KCNK9: variants seen among roughly 807,000 people sequenced by gnomAD.
KCNK9 encodes the protein potassium channel subfamily K member 9.
Under a neutral mutation model 10.8 loss-of-function variants are expected in KCNK9, and 1 was observed. The observed-to-expected ratio is 0.09, with a 90% CI of 0.03 to 0.44. The LOEUF is 0.44. Ranked by LOEUF, KCNK9 falls within the 20% of genes least tolerant of loss-of-function variation. The pLI, the probability that KCNK9 is intolerant of heterozygous loss-of-function variation, is 0.97. For synonymous variants in KCNK9, 231 were observed against 222.7 expected (o/e 1.04, Z -0.33); for missense variants, 303 against 515.0 (o/e 0.59, Z 3.98).
At chr8:139,659,254 G>C (rs568643120) in intron 1 of KCNK9, among the ~76,000 whole-genome samples, 13 of 152,218 alleles carry the variant, frequency 8.5e-5, no homozygotes, top group African/African-American at 2.4e-4. Context: ...CTGGAGTCCT[G>C]ACCCCCTGAG....
At chr8:139,657,724 A>G (rs759656) in intron 1 of KCNK9, among the ~76,000 whole-genome samples, 54,570 of 152,122 alleles carry the variant, frequency 0.36, 12,349 homozygotes, top group East Asian at 0.86. Context: ...GCTGCACCGC[A>G]TGGTCACTAC....
intron 1 of KCNK9, among the ~76,000 whole-genome samples, chr8:139,667,611 A>G (rs1188206809): frequency 6.6e-6 from 1 of 152,060 alleles, no homozygotes; most frequent in Non-Finnish European, 1.5e-5. Context: ...CAGGAGAATC[A>G]CCTGATCCTG....
chr8:139,688,283 T>G (rs1434955029), intron 1 of KCNK9, among the ~76,000 whole-genome samples: 1 of 152,180 alleles, frequency 6.6e-6, no homozygotes, highest in Non-Finnish European at 1.5e-5. Flanking sequence ...CTCACACTGC[T>G]ATAAAGAAAT....
chr8:139,685,654 T>C (rs548045344), intron 1 of KCNK9, among the ~76,000 whole-genome samples: 13 of 152,238 alleles, frequency 8.5e-5, no homozygotes, highest in Non-Finnish European at 1.8e-4. Context: ...GGTGTATATG[T>C]GCTACATTTT....
intron 2 of KCNK9, among the ~76,000 whole-genome samples, chr8:139,607,355 G>A (rs1331410675): frequency 6.6e-6 from 1 of 152,198 alleles, no homozygotes; most frequent in Non-Finnish European, 1.5e-5. Flanking sequence ...CCCCCAGTAA[G>A]GACAGCAGGC....
At chr8:139,671,505 T>C (rs1035591077) in intron 1 of KCNK9, among the ~76,000 whole-genome samples, 7 of 139,674 alleles carry the variant, frequency 5.0e-5, no homozygotes, top group African/African-American at 1.8e-4. Flanking sequence ...CTTCTTTTTT[T>C]AGTTTCTTTT....
chr8:139,627,534 C>T (rs1815014893), intron 1 of KCNK9, among the ~76,000 whole-genome samples: 1 of 152,132 alleles, frequency 6.6e-6, no homozygotes, highest in South Asian at 2.1e-4. Context: ...AGATAACATC[C>T]CGACCCCGAT....
chr8:139,655,563 C>A (rs1445105449), intron 1 of KCNK9, among the ~76,000 whole-genome samples: 1 of 152,182 alleles, frequency 6.6e-6, no homozygotes, highest in African/African-American at 2.4e-5. Context: ...GGAAGCTGAG[C>A]GATACCCAGC....
At chr8:139,614,230 T>C (rs545786771), downstream of KCNK9, among the ~76,000 whole-genome samples, 26 of 152,278 alleles carry the variant, frequency 1.7e-4, no homozygotes, top group Middle Eastern at 3.4e-3. Context: ...AAGCTTCTCA[T>C]GCTGTCCCAA....
chr8:139,672,334 C>T (rs985998383), intron 1 of KCNK9, among the ~76,000 whole-genome samples: 1 of 152,154 alleles, frequency 6.6e-6, no homozygotes, highest in South Asian at 2.1e-4. Flanking sequence ...ATCCACACTT[C>T]GTGGTGGCAG....
In KCNK9 at chr8:139,693,483, T is replaced by A. The variant is rs1816978022; in HGVS notation, c.283+9227A>T. On this transcript the variant is annotated intron_variant, in intron 1 of 1. Transcript: ENST00000520439. The surrounding 1 kb of genome is among the most constrained non-coding windows in gnomAD (Gnocchi z 4.1). Reference sequence around the variant, plus strand: ...AAACTGCTCAGCTCTCAGCTGCTCCTGCTCTCGGGGAGCCAGGAGTACCAG... The same window carrying A: ...AAACTGCTCAGCTCTCAGCTGCTCCAGCTCTCGGGGAGCCAGGAGTACCAG... Among the ~76,000 whole-genome samples the A allele has an allele frequency of 6.6e-6, 1 of 152,038 alleles. No individual in the cohort carries two copies. The highest frequency in any genetic ancestry group is 1.5e-5 in the Non-Finnish European group (1 of 68,008).
At chr8:139,652,914 C>A (rs976716755) in intron 1 of KCNK9, among the ~76,000 whole-genome samples, 1 of 152,208 alleles carries the variant, frequency 6.6e-6, no homozygotes. Context: ...GAGCTCTGTC[C>A]TCTCCTGTCC....
intron 1 of KCNK9, among the ~76,000 whole-genome samples, chr8:139,664,565 T>A (rs1238913921): frequency 6.6e-6 from 1 of 152,130 alleles, no homozygotes; most frequent in Non-Finnish European, 1.5e-5. Context: ...CAGAAGACGC[T>A]TAGCCACCAG....
chr8:139,691,842 C>A (rs1816938999), intron 1 of KCNK9, among the ~76,000 whole-genome samples: 1 of 152,224 alleles, frequency 6.6e-6, no homozygotes, highest in South Asian at 2.1e-4. Flanking sequence ...ACCAGCCACA[C>A]CCCAGCTTGC....
intron 1 of KCNK9, among the ~76,000 whole-genome samples, chr8:139,646,899 C>T (rs1364077893): frequency 1.3e-5 from 2 of 152,264 alleles, no homozygotes; most frequent in Non-Finnish European, 2.9e-5. Context: ...AAAGGAATGA[C>T]TGTGTGAAGC....
chr8:139,690,063 T>C (rs1014642498), intron 1 of KCNK9, among the ~76,000 whole-genome samples: 1 of 152,202 alleles, frequency 6.6e-6, no homozygotes, highest in Non-Finnish European at 1.5e-5. Context: ...CAGTAATAGA[T>C]GGTGGTTGTT....
chr8:139,686,062 G>A (rs1816781302), intron 1 of KCNK9, among the ~76,000 whole-genome samples: 2 of 152,160 alleles, frequency 1.3e-5, no homozygotes, highest in African/African-American at 2.4e-5. Context: ...CTAGCCATAT[G>A]TAGAAAGCTG....
chr8:139,624,902 T>C (rs1814916801), intron 1 of KCNK9, among the ~76,000 whole-genome samples: 1 of 152,228 alleles, frequency 6.6e-6, no homozygotes, highest in Non-Finnish European at 1.5e-5. Flanking sequence ...TTGGAAAAGC[T>C]GACTCTGTCC....
At chr8:139,603,975 G>A (rs547306454) in intron 2 of KCNK9, among the ~76,000 whole-genome samples, 1 of 152,350 alleles carries the variant, frequency 6.6e-6, no homozygotes, top group Admixed American at 6.5e-5. Flanking sequence ...TGCCTCATGA[G>A]TTGGACGGTC....
Sources: gnomAD v4.1 joint callset for allele counts (sites outside exome capture counted in the v4.1 genomes callset) on GRCh38, gnomAD v4.1.1 for gene constraint, Gnocchi (gnomAD v3.1) non-coding constraint, MANE v1.5 for transcripts, NCBI Gene and HGNC (gene_info 2026-07-23, HGNC 2026-07-21) for gene names.